The following PKNOX2 variants were observed in gnomAD, a reference collection of about 807,000 sequenced individuals.
The protein encoded by PKNOX2 is PBX/knotted 1 homeobox 2, also known as homeobox protein PKNOX2.
Under a neutral mutation model 53.1 loss-of-function variants are expected in PKNOX2, and 14 were observed. The ratio of observed to expected loss-of-function variants is 0.26; its 90% CI spans 0.17 to 0.41. The LOEUF is 0.41. Among genes scored for constraint, PKNOX2 ranks in the 10% least tolerant of loss-of-function variants. The pLI, the probability that PKNOX2 is intolerant of heterozygous loss-of-function variation, is 1.00. For synonymous variants in PKNOX2, 257 were observed against 242.8 expected (o/e 1.06, Z -0.54); for missense variants, 496 against 602.8 (o/e 0.82, Z 1.85).
chr11:125,230,067 G>A (rs1366669617), intron 1 of PKNOX2, among the ~76,000 whole-genome samples: 1 of 152,228 alleles, frequency 6.6e-6, no homozygotes, highest in Non-Finnish European at 1.5e-5. Flanking sequence ...GGCTTGGCCT[G>A]GGCAGGGCCT....
intron 2 of PKNOX2, among the ~76,000 whole-genome samples, chr11:125,324,799 A>G (rs1305402120): frequency 2.0e-5 from 3 of 152,168 alleles, no homozygotes; most frequent in African/African-American, 7.2e-5. Context: ...CTGCTTCTGG[A>G]GAGAGCCATT....
intron 2 of PKNOX2, among the ~76,000 whole-genome samples, chr11:125,250,745 G>A (rs1422749741): frequency 3.3e-5 from 5 of 152,206 alleles, no homozygotes; most frequent in South Asian, 2.1e-4. Flanking sequence ...CACACCTATC[G>A]GAGGAGACCG....
chr11:125,244,498 G>A (rs1316805089), intron 2 of PKNOX2, among the ~76,000 whole-genome samples: 4 of 152,146 alleles, frequency 2.6e-5, no homozygotes, highest in Admixed American at 2.0e-4. Flanking sequence ...TGGCTCCCTC[G>A]CCTTCCCCCT....
chr11:125,374,990 C>T lies in PKNOX2; in HGVS notation c.227+7005C>T, dbSNP rs180748975. On this transcript the variant is annotated intron_variant, in intron 5 of 12. Coordinates refer to ENST00000298282, the MANE Select transcript of PKNOX2 (RefSeq NM_001382323.2). ...ACAGAAAGCTGGGGCCATGAAGGTTCATATGGCCAGTGGCTTCTCACCGGG... is the reference window on the plus strand; with the variant it reads ...ACAGAAAGCTGGGGCCATGAAGGTTTATATGGCCAGTGGCTTCTCACCGGG... Among the ~76,000 whole-genome samples, 20 of 152,224 alleles carry T rather than the reference C, an allele frequency of 1.3e-4. No individual in the cohort carries two copies. The East Asian group carries it at 3.7e-3, about 28-fold the overall frequency.
chr11:125,209,149 A>G (rs587062), intron 1 of PKNOX2, among the ~76,000 whole-genome samples: 72,793 of 151,700 alleles, frequency 0.48, 18,256 homozygotes, highest in African/African-American at 0.57. Flanking sequence ...AAAGCACTTC[A>G]AATCTCTTGC....
intron 5 of PKNOX2, among the ~76,000 whole-genome samples, chr11:125,375,651 AGT>A (rs1038815600): frequency 6.6e-6 from 1 of 152,140 alleles, no homozygotes; most frequent in Non-Finnish European, 1.5e-5. Flanking sequence ...AGTGCCACTG[AGT>A]GTGTGTGGGT....
At chr11:125,382,314 C>A (rs1378649855) in intron 5 of PKNOX2, among the ~76,000 whole-genome samples, 2 of 152,258 alleles carry the variant, frequency 1.3e-5, no homozygotes, top group Non-Finnish European at 2.9e-5. Context: ...CACACACATG[C>A]ATATGCACGC....
intron 1 of PKNOX2, among the ~76,000 whole-genome samples, chr11:125,177,002 T>G (rs1955761318): frequency 6.6e-6 from 1 of 152,214 alleles, no homozygotes; most frequent in Non-Finnish European, 1.5e-5. Context: ...AACCTTGCGA[T>G]GTTCATGTTC....
At chr11:125,185,931 A>T (rs1452735707) in intron 1 of PKNOX2, among the ~76,000 whole-genome samples, 2 of 152,164 alleles carry the variant, frequency 1.3e-5, no homozygotes, top group Admixed American at 1.3e-4. Context: ...TTCTATGTTT[A>T]ACTTTTTGAG....
chr11:125,385,673 A>AACAG lies in PKNOX2; in HGVS notation c.351_354dup (p.Glu119ThrfsTer10), dbSNP rs1953575448. On this transcript the variant is annotated frameshift_variant, in exon 6 of 13. Coordinates refer to ENST00000298282, the MANE Select transcript of PKNOX2 (RefSeq NM_001382323.2). LOFTEE classifies it high-confidence loss of function. Reference sequence around the variant, plus strand: ...ATCGAGAACTTTGTCCACCAGCAGGAACAGGAGCACAAACCCTTCTTCAGC... The same window carrying AACAG: ...ATCGAGAACTTTGTCCACCAGCAGGAACAGACAGGAGCACAAACCCTTCTTCAGC... The AACAG allele has an allele frequency of 6.2e-7, 1 of 1,613,816 alleles. No individual in the cohort carries two copies. The highest frequency in any genetic ancestry group is 8.5e-7 in the Non-Finnish European group (1 of 1,179,958).
At chr11:125,252,094 C>T (rs1944047422) in intron 2 of PKNOX2, among the ~76,000 whole-genome samples, 1 of 152,158 alleles carries the variant, frequency 6.6e-6, no homozygotes, top group South Asian at 2.1e-4. Context: ...GGCCACAGCG[C>T]TCGTCAAGCG....
At chr11:125,204,437 G>A (rs959641121) in intron 1 of PKNOX2, among the ~76,000 whole-genome samples, 2 of 152,150 alleles carry the variant, frequency 1.3e-5, no homozygotes, top group Non-Finnish European at 2.9e-5. Context: ...CACTGTGAGT[G>A]GCACATGGCT....
chr11:125,368,794 C>T (rs778499593), intron 5 of PKNOX2, among the ~76,000 whole-genome samples: 8 of 152,194 alleles, frequency 5.3e-5, no homozygotes, highest in Non-Finnish European at 7.3e-5. Context: ...GAGGAAGATG[C>T]TGTCACCTGA....
chr11:125,189,385 G>GTGTGTATATATA (rs1555111590), intron 1 of PKNOX2, among the ~76,000 whole-genome samples: 15 of 91,050 alleles, frequency 1.6e-4, no homozygotes, highest in Non-Finnish European at 2.8e-4. Flanking sequence ...ATATATATGT[G>GTGTGTATATATA]TGTATATATA....
intron 4 of PKNOX2, among the ~76,000 whole-genome samples, chr11:125,353,183 T>A (rs1303611034): frequency 2.0e-5 from 3 of 152,216 alleles, no homozygotes; most frequent in Non-Finnish European, 4.4e-5. Flanking sequence ...ATGGAGACCC[T>A]TCCTGTATTT....
At chr11:125,235,859 G>A (rs556061856) in intron 2 of PKNOX2, among the ~76,000 whole-genome samples, 1 of 152,170 alleles carries the variant, frequency 6.6e-6, no homozygotes, top group Admixed American at 6.5e-5. Context: ...GAGCTCCTGG[G>A]GGGTAAAGTC....
intron 2 of PKNOX2, among the ~76,000 whole-genome samples, chr11:125,290,214 G>A (rs909325592): frequency 1.3e-5 from 2 of 152,276 alleles, no homozygotes; most frequent in South Asian, 2.1e-4. Context: ...TGGAGCAGCC[G>A]CAGACAGGTG....
chr11:125,203,960 G>T (rs1207872879), intron 1 of PKNOX2, among the ~76,000 whole-genome samples: 1 of 152,224 alleles, frequency 6.6e-6, no homozygotes, highest in Non-Finnish European at 1.5e-5. Context: ...GTAGAGAGAA[G>T]TACAAGCCTC....
intron 6 of PKNOX2, among the ~76,000 whole-genome samples, chr11:125,396,601 A>G (rs544552855): frequency 1.3e-5 from 2 of 151,590 alleles, no homozygotes; most frequent in East Asian, 3.9e-4. Flanking sequence ...AAAAAAAGCT[A>G]TAAGCTTAGA....
Sources: allele counts gnomAD v4.1 joint callset (sites outside exome capture counted in the v4.1 genomes callset), GRCh38; gene constraint gnomAD v4.1.1; transcripts MANE v1.5; gene names NCBI Gene and HGNC (gene_info 2026-07-23, HGNC 2026-07-21).